The following PTPRB variants were observed in gnomAD, a reference collection of about 807,000 sequenced individuals.
PTPRB encodes protein tyrosine phosphatase receptor type B.
PTPRB carries 97 observed loss-of-function variants against 238.1 expected under a neutral mutation model. That is an observed-to-expected ratio of 0.41 (90% confidence interval 0.35 to 0.48). The LOEUF (loss-of-function observed/expected upper bound fraction) is 0.48. Among genes scored for constraint, PTPRB ranks in the 20% least tolerant of loss-of-function variants. The pLI is 0.30. For missense variants in PTPRB, 2,292 were observed against 2,681.9 expected, an observed-to-expected ratio of 0.85 and a Z score of 3.21; for synonymous variants, 970 against 995.4, an observed-to-expected ratio of 0.97 and a Z score of 0.48.
chr12:70,541,903 TG>T (rs1399617246), intron 22 of PTPRB: 3 of 73,928 alleles, frequency 4.1e-5, no homozygotes, highest in Non-Finnish European at 1.2e-4. Context: ...TTATGAATAA[TG>T]CTGCTATGAA....
chr12:70,572,775 T>TAAAAAAA lies in PTPRB; in HGVS notation c.2843-695_2843-689dup, dbSNP rs10709963. On this transcript the variant is annotated intron_variant, in intron 11 of 33. Coordinates refer to ENST00000334414, the MANE Select transcript of PTPRB (RefSeq NM_001109754.4). ...GGTGATGGAGCAAGACTCCATCTCA[T>TAAAAAAA]AAAAAAAAAAAAAAAAAGAAAAGAA... 1.1e-3 allele frequency among the ~76,000 whole-genome samples: 101 copies of TAAAAAAA among 93,952 alleles called. 1 individual carries two copies. Among genetic ancestry groups the TAAAAAAA allele is most frequent in the Non-Finnish European group, 1.7e-3 (71 of 42,184 alleles). The allele number at this position is 93,952 out of a possible 152,430, so 61.6% of individuals were successfully genotyped here.
At chr12:70,578,208 T>C (rs1880998707) in intron 10 of PTPRB, among the ~76,000 whole-genome samples, 4 of 152,216 alleles carry the variant, frequency 2.6e-5, no homozygotes, top group South Asian at 2.1e-4. Flanking sequence ...CCATCTTATC[T>C]GGGCTGGGAG....
At chr12:70,570,359 A>G (rs545775343) in intron 13 of PTPRB, among the ~76,000 whole-genome samples, 14 of 152,050 alleles carry the variant, frequency 9.2e-5, no homozygotes, top group African/African-American at 3.1e-4. Flanking sequence ...ATTTTATTTT[A>G]TTTTTGAGGT....
chr12:70,617,157 G>A (rs986853636), intron 3 of PTPRB, among the ~76,000 whole-genome samples: 1 of 152,072 alleles, frequency 6.6e-6, no homozygotes, highest in African/African-American at 2.4e-5. Context: ...AATGCAAATC[G>A]CCCATCACTA....
intron 2 of PTPRB, among the ~76,000 whole-genome samples, chr12:70,625,783 T>C (rs527706520): frequency 5.9e-5 from 9 of 152,310 alleles, no homozygotes; most frequent in East Asian, 1.9e-4. Flanking sequence ...TATTGTGTCA[T>C]TGTTACTACA....
intron 3 of PTPRB, among the ~76,000 whole-genome samples, chr12:70,614,694 G>A (rs1884602683): frequency 6.6e-6 from 1 of 152,050 alleles, no homozygotes; most frequent in Admixed American, 6.6e-5. Context: ...CAAACCTCAG[G>A]TATTTATTAG....
chr12:70,586,609 A>G (rs765510947), intron 9 of PTPRB, among the ~76,000 whole-genome samples: 2 of 152,140 alleles, frequency 1.3e-5, no homozygotes, highest in Non-Finnish European at 2.9e-5. Context: ...CTCACTTTAC[A>G]TCATCATGAT....
intron 14 of PTPRB, among the ~76,000 whole-genome samples, chr12:70,568,010 A>G (rs1203296449): frequency 1.3e-5 from 2 of 152,100 alleles, no homozygotes; most frequent in Non-Finnish European, 2.9e-5. Flanking sequence ...TATACTAAAA[A>G]AGGTGTAGGT....
At chr12:70,552,498 A>ATAAT (rs71841648) in intron 21 of PTPRB, among the ~76,000 whole-genome samples, 50 of 150,286 alleles carry the variant, frequency 3.3e-4, no homozygotes, top group South Asian at 2.5e-3. Flanking sequence ...AAAAAAAAAA[A>ATAAT]AATAATGAAA....
Position 70,569,817 on chromosome 12 carries a change from A to C in PTPRB, c.3492T>G (p.Ser1164Arg), listed in dbSNP as rs1210665954. The change falls in exon 14 of 34, where the codon AGT (serine) becomes AGG (arginine). Residue 1164 changes from serine to arginine, a missense_variant. By Grantham distance (110) the Ser-to-Arg change is moderately radical. This residue lies in a region of PTPRB where 683 missense variants were observed against 862.0 expected (regional missense o/e 0.79). Transcript: ENST00000334414. ...GAATAGTCTGAGAGTCAACCTTTTG[A>C]CTGTGCCTGAATGCCGACACCGTGT... ...DSYTVSAFRH[S>R]QKVDSQTIPK... is the part of the protein sequence containing the mutation. The C allele has an allele frequency of 1.2e-6, 2 of 1,613,842 alleles. No individual in the cohort carries two copies. Among genetic ancestry groups the C allele is most frequent in the Admixed American group, 3.3e-5 (2 of 59,994 alleles).
chr12:70,524,989 G>GTATATA (rs75151257), intron 32 of PTPRB, among the ~76,000 whole-genome samples: 36 of 149,444 alleles, frequency 2.4e-4, no homozygotes, highest in African/African-American at 2.0e-4. Flanking sequence ...GTGTGTGTGT[G>GTATATA]TATATATATA....
rs896337477 is a variant in PTPRB at position 70,536,165 on chromosome 12, A to G, written c.5947-6T>C. On this transcript the variant is annotated splice_region_variant and splice_polypyrimidine_tract_variant and intron_variant, in intron 28 of 33. Coordinates refer to ENST00000334414, the MANE Select transcript of PTPRB (RefSeq NM_001109754.4). ...TCTCTTCTGAAGTTGTTGCCCTGCAATGAATTTACAATATGGAGAGTCAGA... is the reference window on the plus strand; with the variant it reads ...TCTCTTCTGAAGTTGTTGCCCTGCAGTGAATTTACAATATGGAGAGTCAGA... 2 of 1,611,684 alleles carry G rather than the reference A, an allele frequency of 1.2e-6. No individual in the cohort carries two copies. The highest frequency in any genetic ancestry group is 1.7e-4 in the Middle Eastern group (1 of 6,060).
rs189913879 is a variant in PTPRB at position 70,624,328 on chromosome 12, G to T, written c.452-1682C>A. Among the ~76,000 whole-genome samples the T allele has an allele frequency of 3.3e-5, 5 of 152,098 alleles. No homozygotes were observed. The East Asian group carries it at 9.7e-4, about 29-fold the overall frequency. On this transcript the variant is annotated intron_variant, in intron 2 of 33. Transcript: ENST00000334414. ...CGTATATTATCTGGCGATCCTACTTGTACATCTACTAGATCTCGGCTTTGA... is the reference window on the plus strand; with the variant it reads ...CGTATATTATCTGGCGATCCTACTTTTACATCTACTAGATCTCGGCTTTGA...
chr12:70,594,478 A>G lies in PTPRB; in HGVS notation c.1505T>C (p.Leu502Pro), dbSNP rs2136474189. 6.2e-7 allele frequency: 1 copy of G among 1,613,998 alleles called. No homozygotes were observed. The highest frequency in any genetic ancestry group is 2.2e-5 in the East Asian group (1 of 44,878). Residue 502 changes from leucine (L) to proline (P), a missense_variant, in exon 6 of 34, where the codon CTA becomes CCA. Coordinates refer to ENST00000334414, the MANE Select transcript of PTPRB (RefSeq NM_001109754.4). Reference protein sequence around the residue: ...AAGLQNYRWKLVRTAPMEVSN... With the variant: ...AAGLQNYRWKPVRTAPMEVSN... ...TAGGGGGAACTTACCTGTCCTGACT[A>G]GTTTCCACCTGTAGTTTTGCAGCCC...
chr12:70,525,399 G>T (rs902215734), intron 32 of PTPRB: 4 of 152,080 alleles, frequency 2.6e-5, no homozygotes, highest in African/African-American at 4.8e-5. Flanking sequence ...AATAAGCCCC[G>T]CTGGACTGTT....
At chr12:70,582,452 A>G (rs1332998098) in intron 9 of PTPRB, among the ~76,000 whole-genome samples, 2 of 152,198 alleles carry the variant, frequency 1.3e-5, no homozygotes, top group African/African-American at 4.8e-5. Context: ...ACAGGATAAT[A>G]CTGGCAAAGG....
chr12:70,567,665 G>T (rs2136358603), intron 14 of PTPRB, among the ~76,000 whole-genome samples: 1 of 152,226 alleles, frequency 6.6e-6, no homozygotes, highest in East Asian at 1.9e-4. Flanking sequence ...CCAGTCACTT[G>T]TGTCCTTACC....
chr12:70,536,796 C>T (rs574512152), intron 28 of PTPRB, among the ~76,000 whole-genome samples: 3 of 152,334 alleles, frequency 2.0e-5, no homozygotes, highest in Non-Finnish European at 4.4e-5. Flanking sequence ...TCGCCACCCC[C>T]GCCCACCCAA....
intron 9 of PTPRB, among the ~76,000 whole-genome samples, chr12:70,585,870 C>T (rs1271640966): frequency 6.6e-6 from 1 of 150,448 alleles, no homozygotes; most frequent in Non-Finnish European, 1.5e-5. Context: ...TTGTTCAATT[C>T]CCACCTATGA....
Sources: allele counts gnomAD v4.1 joint callset (sites outside exome capture counted in the v4.1 genomes callset), GRCh38; gene constraint gnomAD v4.1.1; regional missense constraint gnomAD v4.1.1; transcripts MANE v1.5; gene names NCBI Gene and HGNC (gene_info 2026-07-23, HGNC 2026-07-21).